The following LRP1B variants were observed in gnomAD, a reference collection of about 807,000 sequenced individuals.
The protein encoded by LRP1B is LDL receptor related protein 1B.
A neutral mutation model predicts 556.6 loss-of-function variants in LRP1B; 217 were observed. The ratio of observed to expected loss-of-function variants is 0.39; its 90% CI spans 0.35 to 0.44. LRP1B has a LOEUF of 0.44. LRP1B is among the 20% of genes least tolerant of loss of function. LRP1B has a pLI of 1.00. For synonymous variants in LRP1B, 2,047 were observed against 1,865.8 expected, an observed-to-expected ratio of 1.10 and a Z score of -2.50; for missense variants, 5,053 against 5,620.8, an observed-to-expected ratio of 0.90 and a Z score of 3.23.
intron 83 of LRP1B, 139 bp from the exon 84 acceptor site, chr2:140,298,108 G>A: frequency 1.6e-6 from 1 of 627,162 alleles, no homozygotes; most frequent in Non-Finnish European, 2.6e-6. Flanking sequence ...ACTTTAGGCA[G>A]TAACAAGACT....
chr2:140,402,210 C>A (rs999084488), intron 66 of LRP1B, among the ~76,000 whole-genome samples: 1 of 152,180 alleles, frequency 6.6e-6, no homozygotes, highest in Non-Finnish European at 1.5e-5. Flanking sequence ...ACAAATGAAC[C>A]CAGATGGCAG....
At chr2:141,299,260 C>A (rs1197577907) in intron 3 of LRP1B, among the ~76,000 whole-genome samples, 1 of 152,112 alleles carries the variant, frequency 6.6e-6, no homozygotes, top group African/African-American at 2.4e-5. Context: ...TGTTTTACCT[C>A]TGGGAAAGTA....
At chr2:140,400,499 T>C (rs1684445114) in intron 66 of LRP1B, among the ~76,000 whole-genome samples, 1 of 152,212 alleles carries the variant, frequency 6.6e-6, no homozygotes. Flanking sequence ...ATCTCCAAAG[T>C]ATACTTCTGT....
intron 87 of LRP1B, among the ~76,000 whole-genome samples, chr2:140,246,131 G>A (rs1037521393): frequency 2.6e-4 from 39 of 151,016 alleles, no homozygotes; most frequent in African/African-American, 9.2e-4. Context: ...CTGCTTCTAG[G>A]GTACAAAAAT....
chr2:140,825,926 G>A (rs1021123901), intron 31 of LRP1B, among the ~76,000 whole-genome samples: 1 of 152,194 alleles, frequency 6.6e-6, no homozygotes, highest in African/African-American at 2.4e-5. Context: ...CTTGGGTGTT[G>A]CTGTGGAAGT....
intron 49 of LRP1B, among the ~76,000 whole-genome samples, chr2:140,522,862 A>C (rs1183098459): frequency 6.6e-6 from 1 of 151,994 alleles, no homozygotes; most frequent in African/African-American, 2.4e-5. Context: ...GAAAACATGA[A>C]TAGATCAATG....
intron 41 of LRP1B, among the ~76,000 whole-genome samples, chr2:140,663,119 T>A (rs1038957481): frequency 6.6e-6 from 1 of 152,192 alleles, no homozygotes; most frequent in African/African-American, 2.4e-5. Flanking sequence ...ATGCTATATA[T>A]AAAAATACCT....
At chr2:141,009,563 A>C (rs552135799) in intron 14 of LRP1B, among the ~76,000 whole-genome samples, 99 of 152,082 alleles carry the variant, frequency 6.5e-4, no homozygotes, top group African/African-American at 2.2e-3. Context: ...AAAAAGAAAG[A>C]AAAATGTAGT....
In LRP1B at chr2:140,770,367, T is replaced by A. The variant is rs550352980; in HGVS notation, c.5626+514A>T. Among the ~76,000 whole-genome samples, 8 of 152,100 alleles carry A rather than the reference T, an allele frequency of 5.3e-5. No homozygotes were observed. The South Asian group carries it at 1.4e-3, about 28-fold the overall frequency. On this transcript the variant is annotated intron_variant, in intron 34 of 90. Coordinates refer to ENST00000389484, the MANE Select transcript of LRP1B (RefSeq NM_018557.3). ...ATGATCATTAGATATAAAAGATCAT[T>A]CTAGAACCAAAGTTATTTGGGACTA... is the stretch of plus-strand genomic sequence containing the variant.
intron 1 of LRP1B, among the ~76,000 whole-genome samples, chr2:142,116,192 CA>C (rs70994477): frequency 0.36 from 23,476 of 64,972 alleles, 1,562 homozygotes; most frequent in East Asian, 0.52. Flanking sequence ...GAGTCTGTCT[CA>C]AAAAAAAAAA....
At chr2:140,909,582 G>T (rs1298570027) in intron 21 of LRP1B, among the ~76,000 whole-genome samples, 1 of 151,094 alleles carries the variant, frequency 6.6e-6, no homozygotes, top group South Asian at 2.1e-4. Context: ...ATAAACTTTT[G>T]CATTAACATC....
intron 84 of LRP1B, among the ~76,000 whole-genome samples, chr2:140,296,076 A>G (rs1305663302): frequency 1.3e-5 from 2 of 152,186 alleles, no homozygotes; most frequent in African/African-American, 4.8e-5. Context: ...AGAAAAGACT[A>G]TAGTACAGAT....
At position 140,475,188 on chromosome 2, in the gene LRP1B, T is replaced by A; in HGVS notation, c.9575A>T (p.Asp3192Val). The A allele has an allele frequency of 6.2e-7, 1 of 1,604,696 alleles. No homozygotes were observed. ...DYVNRRLYWA[D>V]ENHIEFSNMD... ...GTTGCTAAATTCAATGTGATTTTCA[T>A]CGGCCCAGTAGAGTCTACGATTAAC... Residue 3192 changes from aspartate to valine, a missense_variant, in exon 60 of 91, where the codon GAT becomes GTT. Physicochemically the swap from Asp to Val is radical, Grantham distance 152 (BLOSUM62 -3). Coordinates refer to ENST00000389484, the MANE Select transcript of LRP1B (RefSeq NM_018557.3).
chr2:140,634,159 C>A (rs1342115826), intron 41 of LRP1B, among the ~76,000 whole-genome samples: 1 of 152,064 alleles, frequency 6.6e-6, no homozygotes, highest in Non-Finnish European at 1.5e-5. Flanking sequence ...CAAAATCAAT[C>A]AATATTAATC....
Position 140,510,060 on chromosome 2 carries a change from A to G in LRP1B, c.8270-4T>C, listed in dbSNP as rs2104917815. ...TCAGCAGCACAGGTTATGGCACCTG[A>G]AACACAAAAACATAATGCCATTAAG... On this transcript the variant is annotated splice_region_variant and splice_polypyrimidine_tract_variant and intron_variant, in intron 51 of 90. Transcript: ENST00000389484. 6.8e-6 allele frequency: 11 copies of G among 1,612,860 alleles called. No homozygotes were observed. Among genetic ancestry groups the G allele is most frequent in the Non-Finnish European group, 9.3e-6 (11 of 1,179,726 alleles).
chr2:141,605,064 A>AC (rs1687866184), intron 2 of LRP1B, among the ~76,000 whole-genome samples: 2 of 151,726 alleles, frequency 1.3e-5, no homozygotes, highest in Non-Finnish European at 2.9e-5. Context: ...GTTGCCAGCC[A>AC]GAGGTTCCTG....
At chr2:141,861,695 C>T (rs946218528) in intron 1 of LRP1B, among the ~76,000 whole-genome samples, 11 of 152,084 alleles carry the variant, frequency 7.2e-5, no homozygotes, top group African/African-American at 1.2e-4. Flanking sequence ...TTTGGGAGGC[C>T]GTAGCGGGTG....
chr2:140,999,746 T>G (rs1160461358), intron 15 of LRP1B, among the ~76,000 whole-genome samples: 1 of 152,058 alleles, frequency 6.6e-6, no homozygotes, highest in Non-Finnish European at 1.5e-5. Flanking sequence ...TGAACATGTT[T>G]TGTTGTTTTT....
chr2:140,992,681 A>C (rs559097916), intron 16 of LRP1B: 2 of 152,226 alleles, frequency 1.3e-5, no homozygotes, highest in South Asian at 4.1e-4. Context: ...AATAAATAAC[A>C]GTTCTGATTG....
Sources: allele counts gnomAD v4.1 joint callset (sites outside exome capture counted in the v4.1 genomes callset), GRCh38; gene constraint gnomAD v4.1.1; transcripts MANE v1.5; gene names NCBI Gene and HGNC (gene_info 2026-07-23, HGNC 2026-07-21).